FAM83A: variants seen among roughly 807,000 people sequenced by gnomAD.
FAM83A encodes scaffolding CK1 anchoring protein A.
FAM83A carries 21 observed loss-of-function variants against 24.4 expected under a neutral mutation model. That is an observed-to-expected ratio of 0.86 (90% CI 0.61 to 1.24). The LOEUF is 1.24. Ranked by LOEUF, FAM83A falls within the 50% of genes most tolerant of loss-of-function variation. The pLI is 0.00. For missense variants in FAM83A, 617 were observed against 579.8 expected, an observed-to-expected ratio of 1.06 and a Z score of -0.66; for synonymous variants, 270 against 252.4, an observed-to-expected ratio of 1.07 and a Z score of -0.66.
At chr8:123,196,827 G>T (rs928285661) in intron 3 of FAM83A, among the ~76,000 whole-genome samples, 9 of 152,212 alleles carry the variant, frequency 5.9e-5, no homozygotes, top group African/African-American at 2.2e-4. Context: ...ACCAGGGGCT[G>T]CCAGGCCTCC....
chr8:123,184,318 G>A (rs542947460), intron 1 of FAM83A, among the ~76,000 whole-genome samples: 21 of 152,154 alleles, frequency 1.4e-4, no homozygotes, highest in Non-Finnish European at 2.1e-4. Flanking sequence ...CAAATGTAAC[G>A]GGGCCACTCC....
chr8:123,207,585 T>C, exon 4 of FAM83A: 1 of 1,574,780 alleles, frequency 6.4e-7, no homozygotes, highest in Non-Finnish European at 8.6e-7. Context: ...TACAGCAACC[T>C]GGGGGCCTAC....
chr8:123,202,537 G>A (rs573351941), intron 3 of FAM83A: 1 of 152,730 alleles, frequency 6.5e-6, no homozygotes, highest in African/African-American at 2.4e-5. Flanking sequence ...GGACTGGACT[G>A]GGTATGTTTT....
chr8:123,184,035 G>A (rs1218454440), intron 1 of FAM83A, among the ~76,000 whole-genome samples: 2 of 152,050 alleles, frequency 1.3e-5, no homozygotes, highest in Non-Finnish European at 2.9e-5. Context: ...TCTTTTCCCT[G>A]CTTAGAGCCT....
At chr8:123,200,388 G>T (rs935611380) in intron 3 of FAM83A, among the ~76,000 whole-genome samples, 1 of 152,232 alleles carries the variant, frequency 6.6e-6, no homozygotes, top group African/African-American at 2.4e-5. Flanking sequence ...GAAGAATTAA[G>T]CATCTCATCT....
chr8:123,199,882 A>G (rs1324336354), intron 3 of FAM83A: 1 of 154,098 alleles, frequency 6.5e-6, no homozygotes, highest in Non-Finnish European at 1.5e-5. Context: ...GCTGGAAAAC[A>G]TGCCTTCCCC....
At chr8:123,186,992 G>A (rs894778210) in intron 1 of FAM83A, among the ~76,000 whole-genome samples, 2 of 152,172 alleles carry the variant, frequency 1.3e-5, no homozygotes, top group Non-Finnish European at 2.9e-5. Context: ...CCAGGCTTGG[G>A]CAACCCTCGG....
At chr8:123,182,542 C>T (rs761090130), upstream of FAM83A, 609 of 554,364 alleles carry the variant, frequency 1.1e-3, 13 homozygotes, top group Middle Eastern at 0.013. Flanking sequence ...CCTCCCCCTG[C>T]GGCTGGGAGG....
Position 123,208,570 on chromosome 8 carries a change from T to A in FAM83A, c.*882T>A, listed in dbSNP as rs750370929. Reference sequence around the variant, plus strand: ...ACCAGCCTGGTCACCTCCTGAGGAATAAATGCTGAACCTCACAAGCCCCAT... The same window carrying A: ...ACCAGCCTGGTCACCTCCTGAGGAAAAAATGCTGAACCTCACAAGCCCCAT... On this transcript the variant is annotated 3_prime_UTR_variant, in exon 4 of 4. Coordinates refer to ENST00000690554, the Ensembl canonical transcript of FAM83A. 4.1e-6 allele frequency: 4 copies of A among 985,438 alleles called. No individual in the cohort carries two copies. In the African/African-American group the frequency reaches 7.0e-5, roughly 17 times the overall value. The allele number at this position is 985,438 out of a possible 1,614,324, so 61.0% of individuals were successfully genotyped here. A position where few individuals can be genotyped will look rare whatever the true frequency, so the allele number is the denominator to read the frequency against.
rs1586784391 is a variant in FAM83A at position 123,197,887 on chromosome 8, T to C, written c.773+3739T>C. On this transcript the variant is annotated intron_variant, in intron 3 of 3. Transcript: ENST00000690554. ...GCTCACGCCTGTAATCCCAGCACTT[T>C]GACAGGCCAAGGCGGGTAGATTACC... Among the ~76,000 whole-genome samples, 3 of 152,300 alleles carry C rather than the reference T, an allele frequency of 2.0e-5. No individual in the cohort carries two copies. In the South Asian group the frequency reaches 6.2e-4, roughly 32 times the overall value.
chr8:123,205,432 A>G (rs1824515989), intron 3 of FAM83A, among the ~76,000 whole-genome samples: 1 of 151,966 alleles, frequency 6.6e-6, no homozygotes, highest in Admixed American at 6.6e-5. Flanking sequence ...TCAACTGCTC[A>G]CCTCTCTGGG....
chr8:123,206,399 T>C (rs1337032272), intron 3 of FAM83A, among the ~76,000 whole-genome samples: 2 of 152,202 alleles, frequency 1.3e-5, no homozygotes, highest in East Asian at 3.9e-4. Flanking sequence ...CCGAATCCTC[T>C]TTCAGGAACG....
intron 3 of FAM83A, among the ~76,000 whole-genome samples, chr8:123,195,816 G>C (rs1824130437): frequency 6.6e-6 from 1 of 152,078 alleles, no homozygotes; most frequent in South Asian, 2.1e-4. Context: ...ATTCCTGAAG[G>C]TTCTACCTTC....
At chr8:123,197,055 T>TGG (rs1404253384) in intron 3 of FAM83A, among the ~76,000 whole-genome samples, 1 of 152,090 alleles carries the variant, frequency 6.6e-6, no homozygotes, top group Non-Finnish European at 1.5e-5. Flanking sequence ...CACCCACCAG[T>TGG]GGATGAGCTG....
At chr8:123,189,819 C>T (rs796140153) in intron 1 of FAM83A, among the ~76,000 whole-genome samples, 1 of 152,174 alleles carries the variant, frequency 6.6e-6, no homozygotes, top group Non-Finnish European at 1.5e-5. Context: ...TGTGCCCCGA[C>T]CACCTTGGGC....
At position 123,191,789 on chromosome 8, in the gene FAM83A, C is replaced by G. The variant is rs1823983243; in HGVS notation, c.481-14C>G. 15 of 1,612,876 alleles carry G rather than the reference C, an allele frequency of 9.3e-6. No individual in the cohort carries two copies. Among genetic ancestry groups the G allele is most frequent in the Non-Finnish European group, 1.3e-5 (15 of 1,179,784 alleles). On this transcript the variant is annotated splice_polypyrimidine_tract_variant and intron_variant, in intron 1 of 3. Coordinates refer to ENST00000690554, the Ensembl canonical transcript of FAM83A. ...CTGACCTTTCTGGTAACTGAGCACTCTGCCCTGGCCCAGGTCCTGGTCATC... is the reference window on the plus strand; with the variant it reads ...CTGACCTTTCTGGTAACTGAGCACTGTGCCCTGGCCCAGGTCCTGGTCATC...
intron 1 of FAM83A, among the ~76,000 whole-genome samples, chr8:123,191,127 T>G (rs1823960291): frequency 1.3e-5 from 2 of 152,138 alleles, no homozygotes; most frequent in South Asian, 4.1e-4. Flanking sequence ...GGCAATTACT[T>G]AAAGTCAGAT....
At chr8:123,184,689 C>A (rs1466939004) in intron 1 of FAM83A, among the ~76,000 whole-genome samples, 1 of 152,190 alleles carries the variant, frequency 6.6e-6, no homozygotes, top group Non-Finnish European at 1.5e-5. Flanking sequence ...ATGACTCCAG[C>A]ACCAGGCTGT....
exon 2 of FAM83A, chr8:123,191,826 G>A: frequency 1.2e-6 from 2 of 1,614,050 alleles, no homozygotes; most frequent in South Asian, 1.1e-5. Context: ...TGATGGATGT[G>A]TTCACGGATG....
Sources: allele counts gnomAD v4.1 joint callset (sites outside exome capture counted in the v4.1 genomes callset), GRCh38; gene constraint gnomAD v4.1.1; transcripts MANE v1.5; gene names NCBI Gene and HGNC (gene_info 2026-07-23, HGNC 2026-07-21).